RABGAP1L: variants seen among roughly 807,000 people sequenced by gnomAD.
RABGAP1L encodes the protein rab GTPase-activating protein 1-like.
A neutral mutation model predicts 137.7 loss-of-function variants in RABGAP1L; 63 were observed. The observed-to-expected ratio is 0.46, with a 90% confidence interval of 0.37 to 0.56. The LOEUF (loss-of-function observed/expected upper bound fraction) is 0.56, where lower values mean the gene tolerates loss of function less well. RABGAP1L is among the 20% of genes least tolerant of loss of function. The pLI, the probability that RABGAP1L is intolerant of heterozygous loss-of-function variation, is 0.00. For synonymous variants in RABGAP1L, 431 were observed against 433.7 expected (o/e 0.99, Z 0.08); for missense variants, 1,095 against 1,244.0 (o/e 0.88, Z 1.80).
At chr1:174,923,147 G>GA (rs61592378) in intron 19 of RABGAP1L, among the ~76,000 whole-genome samples, 23,198 of 130,112 alleles carry the variant, frequency 0.18, 5,990 homozygotes, top group African/African-American at 0.57. Flanking sequence ...CCCTATCTCA[G>GA]AAAAAAAAAA....
chr1:174,229,821 A>G lies in RABGAP1L; in HGVS notation c.332-1324A>G, dbSNP rs551901271. On this transcript the variant is annotated intron_variant, in intron 3 of 25. Coordinates refer to ENST00000681986, the MANE Select transcript of RABGAP1L (RefSeq NM_001366446.1). ...TGGGTCAAATGGTATTTCTAGTTCT[A>G]GATCCCTGAGGAATCGCCACACTGA... Among the ~76,000 whole-genome samples the G allele has an allele frequency of 4.6e-5, 7 of 152,316 alleles. No individual in the cohort carries two copies. In the South Asian group the frequency reaches 1.4e-3, roughly 32 times the overall value.
intron 1 of RABGAP1L, among the ~76,000 whole-genome samples, chr1:174,202,340 A>G (rs1668177747): frequency 6.6e-6 from 1 of 152,104 alleles, no homozygotes; most frequent in Non-Finnish European, 1.5e-5. Flanking sequence ...AATGATTCCC[A>G]TTCTAACTGG....
chr1:174,941,813 T>C (rs1389870021), intron 19 of RABGAP1L, among the ~76,000 whole-genome samples: 1 of 152,090 alleles, frequency 6.6e-6, no homozygotes, highest in Non-Finnish European at 1.5e-5. Flanking sequence ...AATTTCCTGA[T>C]GGATTTGTGA....
chr1:174,685,609 G>T (rs997031811), intron 15 of RABGAP1L, among the ~76,000 whole-genome samples: 25 of 148,278 alleles, frequency 1.7e-4, no homozygotes, highest in Admixed American at 7.4e-4. Context: ...TGTCTTTCAG[G>T]CTGGAGTGCA....
chr1:174,532,176 T>A (rs1664466846), intron 13 of RABGAP1L, among the ~76,000 whole-genome samples: 1 of 151,692 alleles, frequency 6.6e-6, no homozygotes, highest in Admixed American at 6.6e-5. Context: ...AGATCAGAAG[T>A]CAGAAGGATC....
chr1:174,491,642 A>G (rs1265248668), intron 13 of RABGAP1L, among the ~76,000 whole-genome samples: 1 of 152,122 alleles, frequency 6.6e-6, no homozygotes, highest in Non-Finnish European at 1.5e-5. Flanking sequence ...CCAGCCCAGC[A>G]CAAGGACTCA....
At chr1:174,662,446 G>T (rs948503667) in intron 14 of RABGAP1L, among the ~76,000 whole-genome samples, 1 of 143,106 alleles carries the variant, frequency 7.0e-6, no homozygotes, top group African/African-American at 2.6e-5. Flanking sequence ...AAACAGAGTC[G>T]CACTCTGTCG....
chr1:174,372,694 GT>G (rs1685203144), intron 12 of RABGAP1L, among the ~76,000 whole-genome samples: 1 of 152,010 alleles, frequency 6.6e-6, no homozygotes, highest in African/African-American at 2.4e-5. Context: ...TTAAAGTGTT[GT>G]TGTTTTTTTT....
chr1:174,675,774 A>G (rs1018049963), intron 14 of RABGAP1L, among the ~76,000 whole-genome samples: 11 of 152,210 alleles, frequency 7.2e-5, no homozygotes, highest in South Asian at 2.1e-4. Context: ...TAACCCAAAC[A>G]TAGTGGTACT....
chr1:174,250,682 A>G (rs1571777614), intron 6 of RABGAP1L, 50 bp downstream of exon 6: 1 of 1,509,150 alleles, frequency 6.6e-7, no homozygotes, highest in Non-Finnish European at 9.0e-7. Context: ...GGAGTATAAT[A>G]TAGGCGCATA....
At chr1:174,329,021 A>G (rs1030512584) in intron 11 of RABGAP1L, among the ~76,000 whole-genome samples, 1 of 148,780 alleles carries the variant, frequency 6.7e-6, no homozygotes, top group East Asian at 1.9e-4. Flanking sequence ...ATATAAATGA[A>G]ATAAAGACTT....
intron 19 of RABGAP1L, chr1:174,946,003 AGTCTATTTGGCTATCT>A (rs571614776): frequency 4.6e-5 from 7 of 150,722 alleles, no homozygotes; most frequent in Non-Finnish European, 8.9e-5. Context: ...ACCACCCCAG[AGTCTATTTGGCTATCT>A]GTCTCTCTCT....
intron 13 of RABGAP1L, among the ~76,000 whole-genome samples, chr1:174,547,236 T>G (rs1261824809): frequency 6.6e-6 from 1 of 152,070 alleles, no homozygotes; most frequent in Non-Finnish European, 1.5e-5. Context: ...TATAGTAGCC[T>G]TTTCCTGCTA....
At position 174,448,469 on chromosome 1, in the gene RABGAP1L, A is replaced by G; in HGVS notation, c.1710+54324A>G. The G allele has an allele frequency of 6.2e-7, 1 of 1,613,852 alleles. No homozygotes were observed. The highest frequency in any genetic ancestry group is 8.5e-7 in the Non-Finnish European group (1 of 1,179,798). ...ATTGACTTGCCAGGTTTTTGGATAT[A>G]TCATCTCAGTTCTAAAAAGTGTTTC... On this transcript the variant is annotated intron_variant, in intron 13 of 25. Coordinates refer to ENST00000681986, the MANE Select transcript of RABGAP1L (RefSeq NM_001366446.1). This position sits in a 1 kb window ranked among gnomAD's most constrained non-coding sequence, Gnocchi z 4.2.
In RABGAP1L at chr1:174,499,251, TAAATTA is replaced by T. The variant is rs573073146; in HGVS notation, c.1710+105110_1710+105115del. ...CTTAGAAATTTAAGTTAAAAACACT[TAAATTA>T]AAAAAATTTAAGTTATTTTATGTGG... On this transcript the variant is annotated intron_variant, in intron 13 of 25. Coordinates refer to ENST00000681986, the MANE Select transcript of RABGAP1L (RefSeq NM_001366446.1). Among the ~76,000 whole-genome samples the T allele has an allele frequency of 1.5e-4, 14 of 95,590 alleles. No homozygotes were observed. The East Asian group carries it at 2.9e-3, about 20-fold the overall frequency. The allele number at this position is 95,590 out of a possible 152,430, so 62.7% of individuals were successfully genotyped here. A position where few individuals can be genotyped will look rare whatever the true frequency, so the allele number is the denominator to read the frequency against.
rs1438770033 is a variant in RABGAP1L at position 174,773,168 on chromosome 1, G to GTGTGTGTGTGTGTGTA, written c.2211+20829_2211+20830insATGTGTGTGTGTGTGT. On this transcript the variant is annotated intron_variant, in intron 18 of 25. Coordinates refer to ENST00000681986, the MANE Select transcript of RABGAP1L (RefSeq NM_001366446.1). ...TCTTAACTTCTAAGCTATGGGGTGT[G>GTGTGTGTGTGTGTGTA]TGTGTGTGTGTGTGTTTATTTTAAA... Among the ~76,000 whole-genome samples, 114 of 151,494 alleles carry GTGTGTGTGTGTGTGTA rather than the reference G, an allele frequency of 7.5e-4. 3 individuals are homozygous for GTGTGTGTGTGTGTGTA. In the East Asian group the frequency reaches 0.02, roughly 27 times the overall value.
chr1:174,761,222 A>C lies in RABGAP1L; in HGVS notation c.2211+8868A>C, dbSNP rs1299661716. On this transcript the variant is annotated intron_variant, in intron 18 of 25. Coordinates refer to ENST00000681986, the MANE Select transcript of RABGAP1L (RefSeq NM_001366446.1). This position sits in a 1 kb window ranked among gnomAD's most constrained non-coding sequence, Gnocchi z 4.0. ...TGTAGGGAAACTCTTGTTTTTATTTATTTATTTATTTTTTAATTTAAAAGT... is the reference window on the plus strand; with the variant it reads ...TGTAGGGAAACTCTTGTTTTTATTTCTTTATTTATTTTTTAATTTAAAAGT... 2.0e-5 allele frequency among the ~76,000 whole-genome samples: 3 copies of C among 152,064 alleles called. No individual in the cohort carries two copies. Among genetic ancestry groups the C allele is most frequent in the African/African-American group, 4.8e-5 (2 of 41,404 alleles).
intron 13 of RABGAP1L, among the ~76,000 whole-genome samples, chr1:174,611,960 A>G (rs913051318): frequency 2.0e-5 from 3 of 152,222 alleles, no homozygotes; most frequent in African/African-American, 7.2e-5. Flanking sequence ...TTTTGGGCTG[A>G]GACATTGGGG....
chr1:174,305,762 C>CATAT (rs768595899), intron 11 of RABGAP1L, among the ~76,000 whole-genome samples: 1 of 150,214 alleles, frequency 6.7e-6, no homozygotes, highest in South Asian at 2.1e-4. Flanking sequence ...TTATTCTTTG[C>CATAT]ATATATATAT....
Sources: allele counts gnomAD v4.1 joint callset (sites outside exome capture counted in the v4.1 genomes callset), GRCh38; gene constraint gnomAD v4.1.1; non-coding constraint Gnocchi (gnomAD v3.1); transcripts MANE v1.5; gene names NCBI Gene and HGNC (gene_info 2026-07-23, HGNC 2026-07-21).